The following OSBPL6 variants were observed in gnomAD, a reference collection of about 807,000 sequenced individuals.
The protein encoded by OSBPL6 is oxysterol binding protein like 6, also known as oxysterol-binding protein-related protein 6.
In OSBPL6, 49 loss-of-function variants were observed where a neutral mutation model predicts 125.8. The observed-to-expected ratio is 0.39, with a 90% CI of 0.31 to 0.49. The LOEUF (loss-of-function observed/expected upper bound fraction) is 0.49. Among genes scored for constraint, OSBPL6 ranks in the 20% least tolerant of loss-of-function variants. OSBPL6 has a pLI of 0.88. For missense variants in OSBPL6, 986 were observed against 1,135.4 expected (o/e 0.87, Z 1.89); for synonymous variants, 394 against 391.8 (o/e 1.01, Z -0.07).
At chr2:178,222,751 A>G (rs992568694) in intron 1 of OSBPL6, among the ~76,000 whole-genome samples, 1 of 152,234 alleles carries the variant, frequency 6.6e-6, no homozygotes, top group Non-Finnish European at 1.5e-5. Flanking sequence ...TAATATTTGT[A>G]CAGGGCAGAG....
intron 13 of OSBPL6, among the ~76,000 whole-genome samples, chr2:178,367,801 T>C (rs1487875061): frequency 2.6e-5 from 4 of 152,328 alleles, no homozygotes; most frequent in Admixed American, 6.5e-5. Context: ...GTAAAGCAAG[T>C]GGTGAGAATA....
In OSBPL6 at chr2:178,362,951, C is replaced by T. The variant is rs977986291; in HGVS notation, c.1287+1136C>T. On this transcript the variant is annotated intron_variant, in intron 13 of 24. Transcript: ENST00000190611. ...TTAATGGCTTTCCCTGGACCCTTCT[C>T]ATGTCATGGATCGGTCGAACACTCA... Among the ~76,000 whole-genome samples, 28 of 152,226 alleles carry T rather than the reference C, an allele frequency of 1.8e-4. 1 individual carries two copies. The highest frequency in any genetic ancestry group is 1.3e-3 in the Admixed American group (20 of 15,286).
chr2:178,390,628 G>A (rs1350785921), intron 21 of OSBPL6, among the ~76,000 whole-genome samples: 1 of 152,208 alleles, frequency 6.6e-6, no homozygotes, highest in African/African-American at 2.4e-5. Context: ...CTTATCCCTT[G>A]GGAAGGAGTA....
intron 14 of OSBPL6, among the ~76,000 whole-genome samples, chr2:178,372,860 A>G (rs1693523207): frequency 6.6e-6 from 1 of 151,642 alleles, no homozygotes; most frequent in South Asian, 2.1e-4. Flanking sequence ...ATTGAAGAAA[A>G]GAGAATAGGA....
chr2:178,377,300 GC>G (rs1693968933), intron 15 of OSBPL6, among the ~76,000 whole-genome samples: 2 of 152,200 alleles, frequency 1.3e-5, no homozygotes, highest in Admixed American at 1.3e-4. Flanking sequence ...GGTGGGAGTT[GC>G]TACACACTTT....
At chr2:178,342,117 G>A (rs1690263219) in intron 11 of OSBPL6, among the ~76,000 whole-genome samples, 1 of 152,110 alleles carries the variant, frequency 6.6e-6, no homozygotes, top group Admixed American at 6.5e-5. Flanking sequence ...CCAAGTATTT[G>A]TTTTGAGTCA....
At chr2:178,251,566 A>G (rs1343463547) in intron 1 of OSBPL6, among the ~76,000 whole-genome samples, 2 of 152,012 alleles carry the variant, frequency 1.3e-5, no homozygotes, top group Non-Finnish European at 2.9e-5. Flanking sequence ...AGAAACTATA[A>G]TATGTCATTC....
In OSBPL6 at chr2:178,216,330, A is replaced by G. The variant is rs566572712; in HGVS notation, c.-351+21656A>G. Among the ~76,000 whole-genome samples, 15 of 152,340 alleles carry G rather than the reference A, an allele frequency of 9.8e-5. No individual in the cohort carries two copies. The South Asian group carries it at 3.1e-3, about 32-fold the overall frequency. On this transcript the variant is annotated intron_variant, in intron 1 of 24. Transcript: ENST00000190611. ...TGGCCCTGAATATACCCCTTGGTAC[A>G]TGAAATCATATTCACTCAATTTACT... is the stretch of plus-strand genomic sequence containing the variant.
At chr2:178,387,776 G>A (rs370073217) in intron 20 of OSBPL6, among the ~76,000 whole-genome samples, 2 of 152,004 alleles carry the variant, frequency 1.3e-5, no homozygotes, top group Non-Finnish European at 2.9e-5. Flanking sequence ...AGGCTGAGGC[G>A]GGCGGATCAC....
intron 5 of OSBPL6, among the ~76,000 whole-genome samples, chr2:178,330,762 G>A (rs551477197): frequency 7.2e-5 from 11 of 152,172 alleles, no homozygotes; most frequent in Admixed American, 3.3e-4. Flanking sequence ...GAACTAGAGG[G>A]CACAGGACCC....
Position 178,228,983 on chromosome 2 carries a change from A to T in OSBPL6, c.-351+34309A>T, listed in dbSNP as rs148163303. Among the ~76,000 whole-genome samples the T allele has an allele frequency of 4.3e-3, 659 of 152,350 alleles. 15 individuals are homozygous for T. The East Asian group carries it at 0.071, about 16-fold the overall frequency. ...ATTTATACAGAAAAGAGGTTTATTT[A>T]GTTTACAGCTCTGAACTCTGGGAAG... On this transcript the variant is annotated intron_variant, in intron 1 of 24. Coordinates refer to ENST00000190611, the MANE Select transcript of OSBPL6 (RefSeq NM_032523.4).
chr2:178,370,409 C>T (rs1406136648), intron 13 of OSBPL6, among the ~76,000 whole-genome samples: 1 of 152,112 alleles, frequency 6.6e-6, no homozygotes. Flanking sequence ...TACTTGTAGG[C>T]AGAGAAGCAA....
chr2:178,388,911 A>G, intron 20 of OSBPL6, 98 bp from the exon 21 acceptor site: 2 of 1,292,270 alleles, frequency 1.5e-6, no homozygotes, highest in Non-Finnish European at 2.1e-6. Context: ...AGAATGAGGG[A>G]AAAGGAAGCT....
chr2:178,249,412 G>T (rs916176680), intron 1 of OSBPL6, among the ~76,000 whole-genome samples: 1 of 151,956 alleles, frequency 6.6e-6, no homozygotes, highest in Non-Finnish European at 1.5e-5. Context: ...TACCTAATCC[G>T]TCTCCTATTG....
chr2:178,394,548 C>A, intron 24 of OSBPL6, 113 bp downstream of exon 24: 1 of 1,331,626 alleles, frequency 7.5e-7, no homozygotes, highest in Non-Finnish European at 1.0e-6. Flanking sequence ...GGTATCTTTG[C>A]TTTTGGCAGT....
chr2:178,269,128 C>A (rs2092316353), intron 1 of OSBPL6, among the ~76,000 whole-genome samples: 1 of 152,064 alleles, frequency 6.6e-6, no homozygotes, highest in Non-Finnish European at 1.5e-5. Context: ...ATACCATTTA[C>A]CAGTTTATTA....
intron 12 of OSBPL6, 58 bp from the exon 13 acceptor site, chr2:178,361,624 G>A (rs1692367320): frequency 1.5e-5 from 23 of 1,584,764 alleles, no homozygotes; most frequent in Admixed American, 1.7e-5. Context: ...AATTTATAAT[G>A]TTGTGTATTC....
At chr2:178,198,504 T>G (rs2089039060) in intron 1 of OSBPL6, among the ~76,000 whole-genome samples, 1 of 151,410 alleles carries the variant, frequency 6.6e-6, no homozygotes. Context: ...ACCATATTGG[T>G]CAGGCTGGTC....
chr2:178,228,367 C>T (rs1319339866), intron 1 of OSBPL6, among the ~76,000 whole-genome samples: 2 of 152,054 alleles, frequency 1.3e-5, no homozygotes, highest in Non-Finnish European at 2.9e-5. Context: ...AACACCATCT[C>T]TACTAAAAAT....
Sources: gnomAD v4.1 joint callset for allele counts (sites outside exome capture counted in the v4.1 genomes callset) on GRCh38, gnomAD v4.1.1 for gene constraint, MANE v1.5 for transcripts, NCBI Gene and HGNC (gene_info 2026-07-23, HGNC 2026-07-21) for gene names.